MYO1E: variants seen among roughly 807,000 people sequenced by gnomAD.
MYO1E encodes myosin IE.
Under a neutral mutation model 151.1 loss-of-function variants are expected in MYO1E, and 68 were observed. The ratio of observed to expected loss-of-function variants is 0.45; its 90% CI spans 0.37 to 0.55. MYO1E has a LOEUF of 0.55. Ranked by LOEUF, MYO1E falls within the 20% of genes least tolerant of loss-of-function variation. The pLI is 0.00. For synonymous variants in MYO1E, 601 were observed against 501.7 expected, an observed-to-expected ratio of 1.20 and a Z score of -2.64; for missense variants, 1,363 against 1,389.3, an observed-to-expected ratio of 0.98 and a Z score of 0.30.
intron 1 of MYO1E, among the ~76,000 whole-genome samples, chr15:59,319,060 T>C (rs1006442484): frequency 2.6e-5 from 4 of 152,098 alleles, no homozygotes; most frequent in Non-Finnish European, 5.9e-5. Context: ...CCTGTAATCC[T>C]AGCACTTTGG....
intron 1 of MYO1E, among the ~76,000 whole-genome samples, chr15:59,293,828 A>G (rs559969068): frequency 5.6e-4 from 85 of 152,218 alleles, no homozygotes; most frequent in African/African-American, 1.9e-3. Context: ...GGATCACTTG[A>G]GCCTAGGAGT....
intron 1 of MYO1E, among the ~76,000 whole-genome samples, chr15:59,359,326 A>ATATT (rs2080872763): frequency 7.3e-6 from 1 of 136,504 alleles, no homozygotes; most frequent in Non-Finnish European, 1.5e-5. Context: ...ATATATATAT[A>ATATT]TTTTTTTTTT....
chr15:59,167,604 G>A (rs1194375611), intron 22 of MYO1E, among the ~76,000 whole-genome samples: 3 of 152,176 alleles, frequency 2.0e-5, no homozygotes, highest in African/African-American at 2.4e-5. Flanking sequence ...GTATTGGTGT[G>A]TCACCTCCTG....
At position 59,137,525 on chromosome 15, in the gene MYO1E, G is replaced by T. The variant is rs965566087; in HGVS notation, c.3251-69C>A. 3.3e-6 allele frequency: 4 copies of T among 1,198,810 alleles called. No homozygotes were observed. The Admixed American group carries it at 5.1e-5, about 15-fold the overall frequency. The allele number at this position is 1,198,810 out of a possible 1,614,324, so 74.3% of individuals were successfully genotyped here. ...GTTCTGCCCCAGCCACACACACTCC[G>T]CTCCCATGGGCTCAAGTGATTTGGC... On this transcript the variant is annotated intron_variant, in intron 27 of 27. Coordinates refer to ENST00000288235, the MANE Select transcript of MYO1E (RefSeq NM_004998.4).
At chr15:59,368,853 C>T (rs1007417626) in intron 1 of MYO1E, among the ~76,000 whole-genome samples, 2 of 152,212 alleles carry the variant, frequency 1.3e-5, no homozygotes, top group African/African-American at 4.8e-5. Context: ...TTCTCCATCC[C>T]TCTCCATCCA....
At chr15:59,223,423 C>A (rs1389650472) in intron 8 of MYO1E, among the ~76,000 whole-genome samples, 3 of 152,142 alleles carry the variant, frequency 2.0e-5, no homozygotes, top group African/African-American at 7.2e-5. Context: ...CTGCCCAATG[C>A]ACACATTCTT....
In MYO1E at chr15:59,266,156, C is replaced by T. The variant is rs927241745; in HGVS notation, c.148-4647G>A. On this transcript the variant is annotated intron_variant, in intron 2 of 27. Transcript: ENST00000288235. ...GTCTGCAGAGACCTTAGCTATTTTC[C>T]GGACACCTGTGCTCTCCTGCTGCTT... Among the ~76,000 whole-genome samples, 10 of 152,222 alleles carry T rather than the reference C, an allele frequency of 6.6e-5. No individual in the cohort carries two copies. The South Asian group carries it at 1.5e-3, about 22-fold the overall frequency.
chr15:59,336,275 C>A (rs28406961), intron 1 of MYO1E, among the ~76,000 whole-genome samples: 2,948 of 151,416 alleles, frequency 0.019, 95 homozygotes, highest in African/African-American at 0.066. Flanking sequence ...GAGGCTGAGG[C>A]AGGAGAATTG....
chr15:59,255,043 C>G (rs1326583606), intron 4 of MYO1E, among the ~76,000 whole-genome samples: 1 of 152,130 alleles, frequency 6.6e-6, no homozygotes, highest in African/African-American at 2.4e-5. Context: ...CAAGGCTGGT[C>G]TTGAACTCCT....
At chr15:59,142,810 G>A (rs1301323332) in intron 26 of MYO1E, among the ~76,000 whole-genome samples, 1 of 150,922 alleles carries the variant, frequency 6.6e-6, no homozygotes, top group East Asian at 1.9e-4. Flanking sequence ...CATATTTACT[G>A]GTGAAACTCA....
intron 23 of MYO1E, 46 bp downstream of exon 23, chr15:59,163,111 C>T: frequency 3.7e-6 from 6 of 1,608,808 alleles, no homozygotes; most frequent in Non-Finnish European, 5.1e-6. Context: ...GATCAAGACC[C>T]CTTTTTAGCT....
intron 1 of MYO1E, among the ~76,000 whole-genome samples, chr15:59,280,181 T>C (rs118101551): frequency 1.3e-5 from 2 of 152,366 alleles, no homozygotes; most frequent in Non-Finnish European, 2.9e-5. Flanking sequence ...AGCTTTCTTT[T>C]ACTTTCTCTG....
At position 59,300,381 on chromosome 15, in the gene MYO1E, T is replaced by C. The variant is rs138551022; in HGVS notation, c.4-27932A>G. ...CACACACACACGGCCATTTCTGGTG[T>C]GCACACACACCCCCATTCCCATTTC... On this transcript the variant is annotated intron_variant, in intron 1 of 27. Coordinates refer to ENST00000288235, the MANE Select transcript of MYO1E (RefSeq NM_004998.4). Among the ~76,000 whole-genome samples, 40 of 152,224 alleles carry C rather than the reference T, an allele frequency of 2.6e-4. No individual in the cohort carries two copies. In the South Asian group the frequency reaches 3.7e-3, roughly 14 times the overall value.
chr15:59,270,272 C>T (rs1192106091), intron 2 of MYO1E, among the ~76,000 whole-genome samples: 3 of 152,034 alleles, frequency 2.0e-5, no homozygotes, highest in Non-Finnish European at 4.4e-5. Flanking sequence ...CATCACATTG[C>T]CAGGCGCAGT....
At chr15:59,142,857 A>G (rs1490944654) in intron 26 of MYO1E, among the ~76,000 whole-genome samples, 3 of 141,450 alleles carry the variant, frequency 2.1e-5, no homozygotes, top group African/African-American at 7.8e-5. Context: ...CAAAACAGGG[A>G]TGTCAGCACT....
chr15:59,218,215 C>A, intron 9 of MYO1E, 128 bp from the exon 10 acceptor site: 1 of 1,102,688 alleles, frequency 9.1e-7, no homozygotes, highest in Admixed American at 1.9e-5. Flanking sequence ...ATCACGGGCC[C>A]CAAGAGCTTA....
chr15:59,207,109 C>A (rs1257581443), intron 14 of MYO1E: 5 of 1,614,232 alleles, frequency 3.1e-6, no homozygotes, highest in South Asian at 2.2e-5. Flanking sequence ...GAAGAGTGAG[C>A]TTATTGAGCG....
intron 7 of MYO1E, among the ~76,000 whole-genome samples, chr15:59,225,672 A>G: frequency 7.4e-6 from 1 of 135,810 alleles, no homozygotes; most frequent in African/African-American, 2.7e-5. Context: ...TTTGAGACGG[A>G]GTCTCACTCT....
At chr15:59,145,393 T>C (rs1255432779) in intron 26 of MYO1E, among the ~76,000 whole-genome samples, 1 of 152,164 alleles carries the variant, frequency 6.6e-6, no homozygotes, top group South Asian at 2.1e-4. Flanking sequence ...AACCAAATCA[T>C]TGACAACAAA....
Sources: gnomAD v4.1 joint callset for allele counts (sites outside exome capture counted in the v4.1 genomes callset) on GRCh38, gnomAD v4.1.1 for gene constraint, MANE v1.5 for transcripts, NCBI Gene and HGNC (gene_info 2026-07-23, HGNC 2026-07-21) for gene names.